Variants in CNTNAP2 observed in about 807,000 individuals in gnomAD.
The protein encoded by CNTNAP2 is contactin-associated protein-like 2.
In CNTNAP2, 98 loss-of-function variants were observed where a neutral mutation model predicts 155.2. That is an observed-to-expected ratio of 0.63 (90% CI 0.54 to 0.75). The LOEUF is 0.75. Ranked by LOEUF, CNTNAP2 falls within the 30% of genes least tolerant of loss-of-function variation. The pLI is 0.00. For synonymous variants in CNTNAP2, 651 were observed against 631.2 expected, an observed-to-expected ratio of 1.03 and a Z score of -0.47; for missense variants, 1,727 against 1,688.1, an observed-to-expected ratio of 1.02 and a Z score of -0.40.
At chr7:148,192,173 G>T (rs938359938) in intron 18 of CNTNAP2, among the ~76,000 whole-genome samples, 4 of 152,134 alleles carry the variant, frequency 2.6e-5, no homozygotes, top group Non-Finnish European at 5.9e-5. Context: ...TTTGTTGCAT[G>T]CATGGATTAC....
rs569145300 is a variant in CNTNAP2, at chr7:148,295,509, TGAGACGG to T, written c.3475+28384_3475+28390del. 1.5e-4 allele frequency among the ~76,000 whole-genome samples: 23 copies of T among 148,518 alleles called. 1 individual carries two copies. In the South Asian group the frequency reaches 4.8e-3, roughly 31 times the overall value. The stretch of plus-strand genomic sequence containing the variant: ...TATTTTAATCAATTTTTTTTTTTTT[TGAGACGG>T]AGTCTCGCTCTGTCGCCCAGGCGGG... On this transcript the variant is annotated intron_variant, in intron 21 of 23. Transcript: ENST00000361727.
At chr7:146,508,467 T>G (rs1461385631) in intron 1 of CNTNAP2, among the ~76,000 whole-genome samples, 1 of 152,162 alleles carries the variant, frequency 6.6e-6, no homozygotes, top group East Asian at 1.9e-4. Context: ...CTGGCCTCTG[T>G]CTATGTATGC....
chr7:146,663,299 G>A (rs2533086), intron 1 of CNTNAP2, among the ~76,000 whole-genome samples: 60,716 of 98,790 alleles, frequency 0.61, 15,919 homozygotes, highest in South Asian at 0.7. Flanking sequence ...AAAAAAAAAA[G>A]AAAGAAAGAA....
At chr7:147,069,188 C>G (rs1584816985) in intron 4 of CNTNAP2, among the ~76,000 whole-genome samples, 1 of 152,146 alleles carries the variant, frequency 6.6e-6, no homozygotes, top group Non-Finnish European at 1.5e-5. Flanking sequence ...TCTCACTAGG[C>G]CCCACCTCCA....
At chr7:147,702,907 T>C (rs1031059255) in intron 13 of CNTNAP2, among the ~76,000 whole-genome samples, 1 of 152,188 alleles carries the variant, frequency 6.6e-6, no homozygotes, top group Non-Finnish European at 1.5e-5. Context: ...TAGTCCTGCT[T>C]GTAGCAATGA....
chr7:146,187,816 A>G (rs1798645422), intron 1 of CNTNAP2, among the ~76,000 whole-genome samples: 1 of 152,168 alleles, frequency 6.6e-6, no homozygotes, highest in Admixed American at 6.6e-5. Context: ...TTGACAAATC[A>G]TGGATTATTA....
chr7:146,480,106 C>T (rs1311078343), intron 1 of CNTNAP2, among the ~76,000 whole-genome samples: 1 of 152,112 alleles, frequency 6.6e-6, no homozygotes, highest in African/African-American at 2.4e-5. Context: ...GTAGCACCCT[C>T]TGGGAATGAG....
At chr7:147,141,243 C>CT (rs1482804702) in intron 8 of CNTNAP2, among the ~76,000 whole-genome samples, 1 of 152,144 alleles carries the variant, frequency 6.6e-6, no homozygotes, top group African/African-American at 2.4e-5. Flanking sequence ...CACCACCCTT[C>CT]TTTTAAAGTG....
At chr7:146,394,963 T>A (rs1795598914) in intron 1 of CNTNAP2, among the ~76,000 whole-genome samples, 1 of 152,188 alleles carries the variant, frequency 6.6e-6, no homozygotes, top group African/African-American at 2.4e-5. Flanking sequence ...ATTATTTTGC[T>A]ACCACTCATA....
In CNTNAP2 at chr7:146,368,528, T is replaced by G. The variant is rs1795186670; in HGVS notation, c.97+251555T>G. Among the ~76,000 whole-genome samples, 3 of 152,220 alleles carry G rather than the reference T, an allele frequency of 2.0e-5. No individual in the cohort carries two copies. The South Asian group carries it at 6.2e-4, about 32-fold the overall frequency. On this transcript the variant is annotated intron_variant, in intron 1 of 23. Transcript: ENST00000361727. ...TACTGATCAAATCATACAAAATCAG[T>G]TTCTTCATCCATAATAAAGCCTTCC...
intron 13 of CNTNAP2, among the ~76,000 whole-genome samples, chr7:147,656,789 G>A (rs961962359): frequency 2.6e-4 from 40 of 151,812 alleles, no homozygotes; most frequent in African/African-American, 7.2e-4. Flanking sequence ...AAAAAAACCC[G>A]ATGCCAATAG....
chr7:146,976,714 G>T (rs1172018314), intron 3 of CNTNAP2, among the ~76,000 whole-genome samples: 2 of 152,144 alleles, frequency 1.3e-5, no homozygotes, highest in Non-Finnish European at 2.9e-5. Context: ...TATGGAGATT[G>T]CATTGGACAG....
chr7:147,988,400 C>T (rs1227066548), intron 15 of CNTNAP2, among the ~76,000 whole-genome samples: 1 of 152,106 alleles, frequency 6.6e-6, no homozygotes, highest in Non-Finnish European at 1.5e-5. Context: ...TTTGGAGGCC[C>T]ATTTCAAAAT....
chr7:146,846,094 C>T (rs549094206), intron 3 of CNTNAP2, among the ~76,000 whole-genome samples: 28 of 152,224 alleles, frequency 1.8e-4, no homozygotes, highest in African/African-American at 6.3e-4. Context: ...TGTCTGCATG[C>T]GAAAGTCAGG....
chr7:146,787,317 G>A (rs1445570159), intron 2 of CNTNAP2, among the ~76,000 whole-genome samples: 1 of 152,064 alleles, frequency 6.6e-6, no homozygotes, highest in Non-Finnish European at 1.5e-5. Flanking sequence ...ATGAAGCTAC[G>A]GACCCTTGCG....
At chr7:147,423,303 G>A (rs530177790) in intron 10 of CNTNAP2, among the ~76,000 whole-genome samples, 10 of 152,250 alleles carry the variant, frequency 6.6e-5, no homozygotes, top group Non-Finnish European at 1.5e-4. Context: ...AGGTTAGCTA[G>A]CTGATGTTTG....
chr7:148,098,851 A>G (rs1384056507), intron 15 of CNTNAP2, among the ~76,000 whole-genome samples: 1 of 152,040 alleles, frequency 6.6e-6, no homozygotes, highest in Non-Finnish European at 1.5e-5. Context: ...CTTCTTTTGA[A>G]TCTCTTTTAG....
chr7:146,957,391 A>G (rs1241827492), intron 3 of CNTNAP2, among the ~76,000 whole-genome samples: 1 of 152,200 alleles, frequency 6.6e-6, no homozygotes, highest in Non-Finnish European at 1.5e-5. Context: ...CTTGACTGCA[A>G]CGTTATGTGG....
chr7:146,682,896 A>T (rs1800529896), intron 1 of CNTNAP2, among the ~76,000 whole-genome samples: 1 of 152,198 alleles, frequency 6.6e-6, no homozygotes, highest in Non-Finnish European at 1.5e-5. Context: ...TCATCCTGGT[A>T]GTAATTTATA....
Sources: gnomAD v4.1 joint callset for allele counts (sites outside exome capture counted in the v4.1 genomes callset) on GRCh38, gnomAD v4.1.1 for gene constraint, MANE v1.5 for transcripts, NCBI Gene and HGNC (gene_info 2026-07-23, HGNC 2026-07-21) for gene names.